Variants in SLC25A17 observed in about 807,000 individuals in gnomAD.
The protein encoded by SLC25A17 is peroxisomal membrane protein PMP34.
Under a neutral mutation model 38.5 loss-of-function variants are expected in SLC25A17, and 26 were observed. The ratio of observed to expected loss-of-function variants is 0.68; its 90% CI spans 0.50 to 0.94. SLC25A17 has a LOEUF of 0.94. Among genes scored for constraint, SLC25A17 ranks in the 40% least tolerant of loss-of-function variants. The pLI is 0.00. For synonymous variants in SLC25A17, 139 were observed against 136.2 expected, an observed-to-expected ratio of 1.02 and a Z score of -0.14; for missense variants, 333 against 372.7, an observed-to-expected ratio of 0.89 and a Z score of 0.88.
chr22:40,792,249 G>C (rs1273415112), intron 4 of SLC25A17, among the ~76,000 whole-genome samples: 1 of 19,160 alleles, frequency 5.2e-5, no homozygotes, highest in African/African-American at 2.2e-4. Flanking sequence ...AGGGAAAAGG[G>C]GAGTTTAATG....
Position 40,794,590 on chromosome 22 carries a change from C to A in SLC25A17, c.116-10G>T. On this transcript the variant is annotated splice_polypyrimidine_tract_variant and intron_variant, in intron 2 of 8. Transcript: ENST00000435456. Reference sequence around the variant, plus strand: ...TTTCTTTTCTCATCAACTACAAGACCAAACAGTGCATGTTTATTTTATTAA... The same window carrying A: ...TTTCTTTTCTCATCAACTACAAGACAAAACAGTGCATGTTTATTTTATTAA... 6.3e-7 allele frequency: 1 copy of A among 1,580,360 alleles called. No homozygotes were observed. Among genetic ancestry groups the A allele is most frequent in the Non-Finnish European group, 8.7e-7 (1 of 1,152,422 alleles).
At position 40,770,162 on chromosome 22, in the gene SLC25A17, GA is replaced by G. The variant is rs1406290890; in HGVS notation, c.*671del. The G allele has an allele frequency of 1.3e-5, 2 of 152,166 alleles. No homozygotes were observed. Among genetic ancestry groups the G allele is most frequent in the Admixed American group, 1.3e-4 (2 of 15,266 alleles). 9.4% of individuals were successfully genotyped at this position (152,166 alleles called of 1,614,324 possible). On this transcript the variant is annotated 3_prime_UTR_variant, in exon 9 of 9. Transcript: ENST00000435456. ...CACAAAACTTCAAGTCTTTCGTAAT[GA>G]AAGGATTGATTCAAAATAAATATTC...
At chr22:40,793,988 T>C (rs570212627) in intron 3 of SLC25A17, among the ~76,000 whole-genome samples, 5 of 152,246 alleles carry the variant, frequency 3.3e-5, no homozygotes, top group Admixed American at 3.3e-4. Flanking sequence ...GTGTGTGGTG[T>C]GTGTAAGGAG....
At chr22:40,774,967 G>A (rs776542629) in intron 7 of SLC25A17, among the ~76,000 whole-genome samples, 2 of 151,936 alleles carry the variant, frequency 1.3e-5, no homozygotes, top group Admixed American at 6.6e-5. Context: ...CACCACCGTG[G>A]TCCAGGCCAC....
At chr22:40,792,451 C>T in intron 4 of SLC25A17, 74 bp downstream of exon 4, 3 of 1,260,842 alleles carry the variant, frequency 2.4e-6, no homozygotes, top group Non-Finnish European at 3.2e-6. Flanking sequence ...TTACTTTGGG[C>T]TAAATAACCT....
At chr22:40,798,149 G>C (rs1185181025) in intron 2 of SLC25A17, 1 of 152,294 alleles carries the variant, frequency 6.6e-6, no homozygotes, top group Non-Finnish European at 1.5e-5. Context: ...CTCCCGCTTG[G>C]CTCTGATGGA....
intron 3 of SLC25A17, 86 bp from the exon 4 acceptor site, chr22:40,792,762 T>A: frequency 7.3e-7 from 1 of 1,367,462 alleles, no homozygotes; most frequent in Non-Finnish European, 1.0e-6. Flanking sequence ...TGACCATCAT[T>A]CACATGGTCT....
At chr22:40,792,710 C>T in intron 3 of SLC25A17, 34 bp from the exon 4 acceptor site, 1 of 1,606,472 alleles carries the variant, frequency 6.2e-7, no homozygotes, top group Non-Finnish European at 8.5e-7. Flanking sequence ...AAGTAAAGGT[C>T]ATGGACAAAT....
At chr22:40,811,999 T>A (rs2057586360) in intron 1 of SLC25A17, among the ~76,000 whole-genome samples, 1 of 151,756 alleles carries the variant, frequency 6.6e-6, no homozygotes, top group Non-Finnish European at 1.5e-5. Flanking sequence ...AATTCTGAAC[T>A]GACACCTGGA....
intron 3 of SLC25A17, among the ~76,000 whole-genome samples, chr22:40,792,905 T>C (rs1249938333): frequency 6.6e-6 from 1 of 152,214 alleles, no homozygotes; most frequent in Non-Finnish European, 1.5e-5. Context: ...CTGATTGATT[T>C]ATTAATTCCC....
At chr22:40,802,071 C>T (rs890736295) in intron 1 of SLC25A17, among the ~76,000 whole-genome samples, 4 of 152,036 alleles carry the variant, frequency 2.6e-5, no homozygotes, top group Non-Finnish European at 4.4e-5. Flanking sequence ...GGATTACAGG[C>T]GTGAGCCACC....
chr22:40,788,798 G>C (rs1015878141), intron 4 of SLC25A17: 3 of 241,486 alleles, frequency 1.2e-5, no homozygotes, highest in South Asian at 6.8e-5. Flanking sequence ...TCATTATTTT[G>C]CTTTTAGAAA....
At chr22:40,791,455 A>G (rs564845466) in intron 4 of SLC25A17, among the ~76,000 whole-genome samples, 1 of 152,318 alleles carries the variant, frequency 6.6e-6, no homozygotes, top group South Asian at 2.1e-4. Flanking sequence ...GGAAATTCCA[A>G]TGGTTTTAGG....
At chr22:40,781,004 T>TA (rs1398042792) in intron 4 of SLC25A17, among the ~76,000 whole-genome samples, 1 of 151,336 alleles carries the variant, frequency 6.6e-6, no homozygotes, top group Non-Finnish European at 1.5e-5. Flanking sequence ...ACTCCATCTC[T>TA]AAAAAAAATA....
At chr22:40,810,143 C>T (rs1019119142) in intron 1 of SLC25A17, among the ~76,000 whole-genome samples, 2 of 152,036 alleles carry the variant, frequency 1.3e-5, no homozygotes, top group Non-Finnish European at 2.9e-5. Flanking sequence ...GTGTCTTAGT[C>T]CCTGGTTCCT....
intron 7 of SLC25A17, among the ~76,000 whole-genome samples, chr22:40,776,468 G>A (rs1440876753): frequency 6.6e-6 from 1 of 152,226 alleles, no homozygotes; most frequent in African/African-American, 2.4e-5. Context: ...GCAAACTTAT[G>A]CTTTCCTGAG....
At chr22:40,809,642 C>G (rs769994342) in intron 1 of SLC25A17, among the ~76,000 whole-genome samples, 4 of 151,334 alleles carry the variant, frequency 2.6e-5, no homozygotes, top group Non-Finnish European at 5.9e-5. Flanking sequence ...AAAAAAAAAC[C>G]AAAAAACAAA....
Position 40,794,815 on chromosome 22 carries a change from C to T in SLC25A17, c.116-235G>A, listed in dbSNP as rs568015855. On this transcript the variant is annotated intron_variant, in intron 2 of 8. Transcript: ENST00000435456. ...TTGTATTTTAGTAGAGGCGGGGTTT[C>T]GCAATTTTGGCCAGGCTGGTCTTGA... is the stretch of plus-strand genomic sequence containing the variant. Among the ~76,000 whole-genome samples the T allele has an allele frequency of 9.9e-4, 151 of 152,050 alleles. No homozygotes were observed. In the Middle Eastern group the frequency reaches 0.017, roughly 17 times the overall value.
intron 1 of SLC25A17, among the ~76,000 whole-genome samples, chr22:40,809,473 A>AAT (rs2057559182): frequency 6.6e-6 from 1 of 151,634 alleles, no homozygotes; most frequent in Admixed American, 6.6e-5. Context: ...AAAAAATTAA[A>AAT]AAAAAAAAAA....
Sources: allele counts gnomAD v4.1 joint callset (sites outside exome capture counted in the v4.1 genomes callset), GRCh38; gene constraint gnomAD v4.1.1; transcripts MANE v1.5; gene names NCBI Gene and HGNC (gene_info 2026-07-23, HGNC 2026-07-21).